Variants in TMEM266 observed in about 807,000 individuals in gnomAD.
TMEM266 encodes transmembrane protein 266.
A neutral mutation model predicts 50.5 loss-of-function variants in TMEM266; 33 were observed. The ratio of observed to expected loss-of-function variants is 0.65; its 90% CI spans 0.50 to 0.87. The LOEUF is 0.87. Among genes scored for constraint, TMEM266 ranks in the 40% least tolerant of loss-of-function variants. The probability of loss-of-function intolerance (pLI) is 0.00; values close to 1 mark genes in which losing one functional copy is unlikely to be tolerated. For synonymous variants in TMEM266, 310 were observed against 292.3 expected (o/e 1.06, Z -0.62); for missense variants, 655 against 695.1 (o/e 0.94, Z 0.65).
chr15:76,073,180 C>T (rs2036561749), intron 1 of TMEM266, among the ~76,000 whole-genome samples: 1 of 151,868 alleles, frequency 6.6e-6, no homozygotes, highest in Non-Finnish European at 1.5e-5. Context: ...ATCCACCTGC[C>T]TCAGCCTCCC....
chr15:76,184,795 C>G (rs2038470512), intron 8 of TMEM266, among the ~76,000 whole-genome samples: 1 of 152,244 alleles, frequency 6.6e-6, no homozygotes, highest in Admixed American at 6.5e-5. Context: ...GCCTGACTCA[C>G]TCCAGTAATG....
At chr15:76,164,645 G>A (rs1247104697) in intron 5 of TMEM266, among the ~76,000 whole-genome samples, 1 of 152,204 alleles carries the variant, frequency 6.6e-6, no homozygotes, top group Non-Finnish European at 1.5e-5. Flanking sequence ...TTAACCCCAG[G>A]GAAAATTTGT....
At chr15:76,145,335 AGTGATTTCCACTGGAAATG>A (rs59549396) in intron 3 of TMEM266, among the ~76,000 whole-genome samples, 15,092 of 152,084 alleles carry the variant, frequency 0.099, 1,007 homozygotes, top group Admixed American at 0.21. Context: ...GACAGGAACC[AGTGATTTCCACTGGAAATG>A]GTGATTTCCA....
At chr15:76,137,388 T>C (rs1210105519) in intron 2 of TMEM266, among the ~76,000 whole-genome samples, 1 of 152,208 alleles carries the variant, frequency 6.6e-6, no homozygotes, top group Non-Finnish European at 1.5e-5. Context: ...AGCCATAGTT[T>C]TGCGGGCTGG....
Position 76,137,774 on chromosome 15 carries a change from A to G in TMEM266, c.106A>G (p.Ser36Gly). Residue 36 changes from serine (S) to glycine (G), a missense_variant, in exon 3 of 11, where the codon AGC becomes GGC. By Grantham distance (56) the Ser-to-Gly change is moderately conservative. Transcript: ENST00000388942. ...CCAACAAGTAGACGAAGAAACCAAG[A>G]GCATTGCTCCTGTGCAGCTGGTGAA... The G allele has an allele frequency of 1.2e-6, 2 of 1,614,224 alleles. No individual in the cohort carries two copies.
At chr15:76,067,418 G>A (rs1325664073) in intron 1 of TMEM266, among the ~76,000 whole-genome samples, 5 of 151,860 alleles carry the variant, frequency 3.3e-5, no homozygotes, top group South Asian at 2.1e-4. Context: ...CAAGGAGGGC[G>A]GATCACCTAA....
intron 1 of TMEM266, among the ~76,000 whole-genome samples, chr15:76,075,128 A>G (rs759471334): frequency 6.6e-5 from 10 of 152,096 alleles, no homozygotes; most frequent in Non-Finnish European, 1.3e-4. Context: ...TTGGATATGC[A>G]AATCTGAAGT....
chr15:76,130,503 G>A (rs1043512788), intron 1 of TMEM266, among the ~76,000 whole-genome samples: 1 of 152,240 alleles, frequency 6.6e-6, no homozygotes, highest in South Asian at 2.1e-4. Flanking sequence ...TCGCGCCAGC[G>A]CACTCCAGCC....
At chr15:76,140,008 C>T (rs1232955717) in intron 3 of TMEM266, among the ~76,000 whole-genome samples, 1 of 152,248 alleles carries the variant, frequency 6.6e-6, no homozygotes, top group Non-Finnish European at 1.5e-5. Flanking sequence ...CCAAGGCTGG[C>T]AGAGGCTTTG....
chr15:76,117,045 A>C (rs1165765942), intron 1 of TMEM266, among the ~76,000 whole-genome samples: 1 of 151,924 alleles, frequency 6.6e-6, no homozygotes, highest in Non-Finnish European at 1.5e-5. Flanking sequence ...GATTACAGGC[A>C]TGTGCCACCA....
At chr15:76,104,603 G>C (rs1486578225) in intron 1 of TMEM266, among the ~76,000 whole-genome samples, 1 of 152,092 alleles carries the variant, frequency 6.6e-6, no homozygotes, top group Non-Finnish European at 1.5e-5. Flanking sequence ...CGGATCATGA[G>C]GTCAGGAGAT....
At chr15:76,170,268 G>A (rs1284825590) in intron 6 of TMEM266, among the ~76,000 whole-genome samples, 1 of 152,246 alleles carries the variant, frequency 6.6e-6, no homozygotes, top group African/African-American at 2.4e-5. Context: ...TGGGTGTGGT[G>A]GGTGGGATGA....
intron 9 of TMEM266, among the ~76,000 whole-genome samples, chr15:76,200,957 G>T (rs1229909649): frequency 6.6e-6 from 1 of 152,186 alleles, no homozygotes; most frequent in Admixed American, 6.5e-5. Flanking sequence ...GGTCAGGGCA[G>T]ACTGGCTTCT....
chr15:76,155,316 C>G (rs1314045522), intron 3 of TMEM266, among the ~76,000 whole-genome samples: 1 of 152,174 alleles, frequency 6.6e-6, no homozygotes, highest in Non-Finnish European at 1.5e-5. Context: ...CTCAGCTCCC[C>G]CATCTCTGTA....
chr15:76,158,753 G>A (rs1315606329), intron 4 of TMEM266, among the ~76,000 whole-genome samples: 1 of 152,154 alleles, frequency 6.6e-6, no homozygotes, highest in Non-Finnish European at 1.5e-5. Flanking sequence ...GGAGTCACAC[G>A]GGCCTCAGCC....
chr15:76,175,486 T>C (rs2038259563), intron 7 of TMEM266, 73 bp from the exon 8 acceptor site: 1 of 1,206,040 alleles, frequency 8.3e-7, no homozygotes, highest in Admixed American at 1.9e-5. Context: ...GCTGCCTGAA[T>C]GCTGGGCCCG....
chr15:76,145,485 A>G (rs760955011), intron 3 of TMEM266, among the ~76,000 whole-genome samples: 19 of 152,158 alleles, frequency 1.2e-4, no homozygotes, highest in Non-Finnish European at 2.5e-4. Context: ...CTTTCCCAGA[A>G]GCCTCCAGCA....
chr15:76,062,147 A>G (rs907063854), intron 1 of TMEM266, among the ~76,000 whole-genome samples: 7 of 152,242 alleles, frequency 4.6e-5, no homozygotes, highest in Non-Finnish European at 1.0e-4. Flanking sequence ...CAGTGGGGCT[A>G]ATAGCTTTTC....
chr15:76,106,359 A>G (rs1352159017), intron 1 of TMEM266, among the ~76,000 whole-genome samples: 1 of 152,020 alleles, frequency 6.6e-6, no homozygotes, highest in Non-Finnish European at 1.5e-5. Context: ...ACTTTTTTTA[A>G]ATTGACAAAT....
Sources: gnomAD v4.1 joint callset for allele counts (sites outside exome capture counted in the v4.1 genomes callset) on GRCh38, gnomAD v4.1.1 for gene constraint, MANE v1.5 for transcripts, NCBI Gene and HGNC (gene_info 2026-07-23, HGNC 2026-07-21) for gene names.